Variants in SORCS2 observed in about 807,000 individuals in gnomAD.
SORCS2 encodes VPS10 domain-containing receptor SorCS2.
In SORCS2, 100 loss-of-function variants were observed where a neutral mutation model predicts 141.6. The observed-to-expected ratio is 0.71, with a 90% CI of 0.60 to 0.83. The LOEUF is 0.83. Ranked by LOEUF, SORCS2 falls within the 40% of genes least tolerant of loss-of-function variation. The pLI is 0.00. For missense variants in SORCS2, 1,646 were observed against 1,560.2 expected (o/e 1.05, Z -0.93); for synonymous variants, 789 against 676.9 (o/e 1.17, Z -2.57).
intron 2 of SORCS2, among the ~76,000 whole-genome samples, chr4:7,465,758 C>G (rs985258000): frequency 2.6e-5 from 4 of 152,256 alleles, no homozygotes; most frequent in African/African-American, 4.8e-5. Flanking sequence ...GATATGTAAT[C>G]TCCATCAAGA....
intron 2 of SORCS2, among the ~76,000 whole-genome samples, chr4:7,515,525 G>A (rs1489753902): frequency 3.3e-5 from 5 of 152,210 alleles, no homozygotes; most frequent in Admixed American, 6.5e-5. Flanking sequence ...GCAGCCGGAT[G>A]GAGGAGGAGG....
At position 7,654,009 on chromosome 4, in the gene SORCS2, C is replaced by T. The variant is rs1000881600; in HGVS notation, c.814-125C>T. 6.0e-5 allele frequency: 54 copies of T among 907,220 alleles called. No homozygotes were observed. In the Middle Eastern group the frequency reaches 6.6e-4, roughly 11 times the overall value. The allele number at this position is 907,220 out of a possible 1,614,324, so 56.2% of individuals were successfully genotyped here. A position where few individuals can be genotyped will look rare whatever the true frequency, so the allele number is the denominator to read the frequency against. On this transcript the variant is annotated intron_variant, in intron 4 of 26. Coordinates refer to ENST00000507866, the MANE Select transcript of SORCS2 (RefSeq NM_020777.3). ...TCCCAGCATGAGCACAGCGCCTCCG[C>T]GTGTCCGCTGGACAAGGATGACTTC...
intron 2 of SORCS2, among the ~76,000 whole-genome samples, chr4:7,464,911 A>C (rs1413193590): frequency 6.6e-6 from 1 of 152,216 alleles, no homozygotes; most frequent in Admixed American, 6.5e-5. Flanking sequence ...GCCTCCGGCC[A>C]TGGGTCCCGG....
intron 2 of SORCS2, among the ~76,000 whole-genome samples, chr4:7,405,728 C>G (rs574984435): frequency 6.6e-6 from 1 of 151,976 alleles, no homozygotes; most frequent in Non-Finnish European, 1.5e-5. Context: ...TTTATCAAAT[C>G]TGTTTTTTCA....
intron 3 of SORCS2, among the ~76,000 whole-genome samples, chr4:7,628,390 G>A (rs1719658019): frequency 6.6e-6 from 1 of 152,050 alleles, no homozygotes; most frequent in South Asian, 2.1e-4. Context: ...GTGGTGGCGG[G>A]CGCCTGTAGT....
intron 5 of SORCS2, 106 bp downstream of exon 5, chr4:7,654,313 G>T (rs551115694): frequency 1.7e-6 from 2 of 1,179,294 alleles, no homozygotes; most frequent in Non-Finnish European, 2.4e-6. Flanking sequence ...TCCTCCTCTG[G>T]ACCCTCCCCA....
intron 1 of SORCS2, among the ~76,000 whole-genome samples, chr4:7,303,410 T>C (rs1717572402): frequency 6.6e-6 from 1 of 152,234 alleles, no homozygotes; most frequent in Admixed American, 6.5e-5. Flanking sequence ...ACCCGTCTCA[T>C]CCCTTTTTGC....
At chr4:7,248,689 T>C (rs1713290613) in intron 1 of SORCS2, among the ~76,000 whole-genome samples, 1 of 152,226 alleles carries the variant, frequency 6.6e-6, no homozygotes, top group Non-Finnish European at 1.5e-5. Context: ...TATTCCTCTT[T>C]CCGGGTGTAC....
rs1163292190 is a variant in SORCS2 at position 7,525,901 on chromosome 4, C to CCTCAGTCACCTGTCTA, written c.549-5626_549-5625insAGTCACCTGTCTACTC. Among the ~76,000 whole-genome samples, 3 of 140,340 alleles carry CCTCAGTCACCTGTCTA rather than the reference C, an allele frequency of 2.1e-5. 1 individual carries two copies. Among genetic ancestry groups the CCTCAGTCACCTGTCTA allele is most frequent in the African/African-American group, 8.2e-5 (3 of 36,486 alleles). 92.1% of individuals were successfully genotyped at this position (140,340 alleles called of 152,430 possible). A position where few individuals can be genotyped will look rare whatever the true frequency, so the allele number is the denominator to read the frequency against. Reference sequence around the variant, plus strand: ...CTGTCCCCTCCTCAGTCACCTGTCTCCTCCTGCAGTCACCTGTCCCCTCCT... The same window carrying CCTCAGTCACCTGTCTA: ...CTGTCCCCTCCTCAGTCACCTGTCTCCTCAGTCACCTGTCTACTCCTGCAGTCACCTGTCCCCTCCT... On this transcript the variant is annotated intron_variant, in intron 2 of 26. Coordinates refer to ENST00000507866, the MANE Select transcript of SORCS2 (RefSeq NM_020777.3).
At chr4:7,678,065 G>A (rs1035136169) in intron 9 of SORCS2, among the ~76,000 whole-genome samples, 3 of 152,154 alleles carry the variant, frequency 2.0e-5, no homozygotes, top group Non-Finnish European at 4.4e-5. Flanking sequence ...CCCTGCCCTC[G>A]GGACACAGGC....
intron 1 of SORCS2, among the ~76,000 whole-genome samples, chr4:7,322,421 G>A (rs80105870): frequency 2.1e-3 from 326 of 152,322 alleles, no homozygotes; most frequent in Non-Finnish European, 3.7e-3. Context: ...TCACTTTCCC[G>A]GGGCCTCATG....
chr4:7,607,042 C>G (rs1718104208), intron 3 of SORCS2, among the ~76,000 whole-genome samples: 1 of 152,190 alleles, frequency 6.6e-6, no homozygotes, highest in African/African-American at 2.4e-5. Context: ...GCCTTCAGCT[C>G]AGAGGCAGAA....
intron 3 of SORCS2, among the ~76,000 whole-genome samples, chr4:7,573,390 C>T (rs1308033384): frequency 6.6e-6 from 1 of 152,152 alleles, no homozygotes; most frequent in East Asian, 1.9e-4. Context: ...TGCAGGTAGA[C>T]GGTGCCAATG....
At chr4:7,492,818 G>C (rs1428828609) in intron 2 of SORCS2, among the ~76,000 whole-genome samples, 4 of 152,186 alleles carry the variant, frequency 2.6e-5, no homozygotes, top group Non-Finnish European at 1.5e-5. Flanking sequence ...CAGCACCAGG[G>C]AGGAAGAAGG....
intron 1 of SORCS2, among the ~76,000 whole-genome samples, chr4:7,305,225 G>A (rs980570624): frequency 3.9e-5 from 6 of 152,128 alleles, no homozygotes; most frequent in Non-Finnish European, 8.8e-5. Flanking sequence ...TAGAGATGGG[G>A]TTTCACCGTG....
At chr4:7,220,306 G>C (rs1051848543) in intron 1 of SORCS2, among the ~76,000 whole-genome samples, 1 of 152,138 alleles carries the variant, frequency 6.6e-6, no homozygotes, top group Non-Finnish European at 1.5e-5. Context: ...TCTAGTGTGT[G>C]GCATGAATTG....
chr4:7,486,100 C>G (rs1730963823), intron 2 of SORCS2, among the ~76,000 whole-genome samples: 1 of 152,182 alleles, frequency 6.6e-6, no homozygotes, highest in South Asian at 2.1e-4. Context: ...TGAAGCGTCC[C>G]TTTGTCTCTG....
At chr4:7,493,863 A>T (rs1731451132) in intron 2 of SORCS2, among the ~76,000 whole-genome samples, 1 of 152,382 alleles carries the variant, frequency 6.6e-6, no homozygotes, top group East Asian at 1.9e-4. Flanking sequence ...CATTGTGTGG[A>T]TATTAAATGA....
intron 1 of SORCS2, among the ~76,000 whole-genome samples, chr4:7,367,230 T>C (rs1721953393): frequency 6.6e-6 from 1 of 152,136 alleles, no homozygotes; most frequent in African/African-American, 2.4e-5. Flanking sequence ...TGGAACACCG[T>C]TCAGGTGAGG....
Sources: gnomAD v4.1 joint callset for allele counts (sites outside exome capture counted in the v4.1 genomes callset) on GRCh38, gnomAD v4.1.1 for gene constraint, MANE v1.5 for transcripts, NCBI Gene and HGNC (gene_info 2026-07-23, HGNC 2026-07-21) for gene names.